ARHGAP8: variants seen among roughly 807,000 people sequenced by gnomAD.
The protein encoded by ARHGAP8 is Rho GTPase activating protein 8, also known as rho GTPase-activating protein 8.
A neutral mutation model predicts 46.1 loss-of-function variants in ARHGAP8; 62 were observed. That is an observed-to-expected ratio of 1.34 (90% confidence interval 1.10 to 1.66). ARHGAP8 has a LOEUF of 1.66. ARHGAP8 is among the 40% of genes most tolerant of loss of function. ARHGAP8 has a pLI of 0.00. For missense variants in ARHGAP8, 923 were observed against 568.4 expected, an observed-to-expected ratio of 1.62 and a Z score of -6.34; for synonymous variants, 375 against 243.1, an observed-to-expected ratio of 1.54 and a Z score of -5.05.
intron 2 of ARHGAP8, among the ~76,000 whole-genome samples, chr22:44,787,037 C>CAAAAAAAAA (rs57241720): frequency 8.4e-6 from 1 of 119,150 alleles, no homozygotes. Flanking sequence ...CTCAAAAAAA[C>CAAAAAAAAA]AAAAAAAAAA....
At chr22:44,838,802 G>A (rs866589011) in intron 7 of ARHGAP8, among the ~76,000 whole-genome samples, 1 of 152,228 alleles carries the variant, frequency 6.6e-6, no homozygotes, top group Non-Finnish European at 1.5e-5. Flanking sequence ...TTGTTCATCT[G>A]TGACATGGAC....
At position 44,768,062 on chromosome 22, in the gene ARHGAP8, C is replaced by A. The variant is rs76632413; in HGVS notation, c.-72+15435C>A. ...TCACCCAGGCTGGAGTGCAGTGGCA[C>A]GATCTCGGCTCACTGCAACCTCCAC... On this transcript the variant is annotated intron_variant, in intron 1 of 11. Coordinates refer to ENST00000356099, the MANE Select transcript of ARHGAP8 (RefSeq NM_181335.3). Among the ~76,000 whole-genome samples, 506 of 118,484 alleles carry A rather than the reference C, an allele frequency of 4.3e-3. 25 individuals are homozygous for A. The East Asian group carries it at 0.12, about 27-fold the overall frequency. The allele number at this position is 118,484 out of a possible 152,430, so 77.7% of individuals were successfully genotyped here.
chr22:44,766,152 C>T (rs904870138), intron 1 of ARHGAP8: 2 of 152,668 alleles, frequency 1.3e-5, no homozygotes, highest in African/African-American at 2.4e-5. Context: ...CCATCTGCCT[C>T]CTGCCCTCAG....
At chr22:44,847,895 G>A (rs2069996205) in intron 8 of ARHGAP8, 78 bp from the exon 9 acceptor site, 3 of 1,565,356 alleles carry the variant, frequency 1.9e-6, no homozygotes, top group Non-Finnish European at 2.6e-6. Context: ...GATGCCGTGG[G>A]CAGGGGAGTG....
rs141311560 is a variant in ARHGAP8, at chr22:44,837,761, C to G, written c.597-7508C>G. Among the ~76,000 whole-genome samples, 320 of 152,184 alleles carry G rather than the reference C, an allele frequency of 2.1e-3. 2 individuals are homozygous for G. The highest frequency in any genetic ancestry group is 7.4e-3 in the African/African-American group (308 of 41,514). On this transcript the variant is annotated intron_variant, in intron 7 of 11. Coordinates refer to ENST00000356099, the MANE Select transcript of ARHGAP8 (RefSeq NM_181335.3). ...TTCTGCTCTATGGAGAGTAGTAATT[C>G]GATGCCGGGGCCCTGTTCTTCCGCT...
chr22:44,796,463 T>C (rs960834338), intron 2 of ARHGAP8, among the ~76,000 whole-genome samples: 1 of 151,932 alleles, frequency 6.6e-6, no homozygotes. Context: ...AGGAGTATTT[T>C]TGTTATTCAT....
At chr22:44,857,929 A>AT (rs10685889) in intron 10 of ARHGAP8, among the ~76,000 whole-genome samples, 1 of 131,508 alleles carries the variant, frequency 7.6e-6, no homozygotes, top group African/African-American at 2.9e-5. Context: ...GCCAGCAGGT[A>AT]TTCTCAGAGG....
rs6007304 is a variant in ARHGAP8 at position 44,808,383 on chromosome 22, C to G, written c.244C>G (p.Arg82Gly). The stretch of plus-strand genomic sequence containing the variant: ...CTATTTCCACTACGGGCTGAACAGC[C>G]GGAACAAGCCTTCCCTGGGCTGGCT... The part of the protein sequence containing the change: ...IVYFHYGLNS[R>G]NKPSLGWLQS... Residue 82 changes from arginine to glycine, a missense_variant, in exon 4 of 12, where the codon CGG (arginine) becomes GGG (glycine). Coordinates refer to ENST00000356099, the MANE Select transcript of ARHGAP8 (RefSeq NM_181335.3). The G allele has an allele frequency of 6.2e-7, 1 of 1,614,236 alleles. No individual in the cohort carries two copies. The highest frequency in any genetic ancestry group is 1.1e-5 in the South Asian group (1 of 91,088).
At chr22:44,858,361 T>G (rs964445690) in intron 10 of ARHGAP8, among the ~76,000 whole-genome samples, 2 of 123,666 alleles carry the variant, frequency 1.6e-5, no homozygotes, top group African/African-American at 2.9e-5. Context: ...ACTTGTTGGT[T>G]GGTGGTGGTT....
Position 44,772,223 on chromosome 22 carries a change from C to CTTTTTTTTTTTTTTTTTTTTT in ARHGAP8, c.-71-14224_-71-14204dup, listed in dbSNP as rs71188484. 1.8e-4 allele frequency among the ~76,000 whole-genome samples: 3 copies of CTTTTTTTTTTTTTTTTTTTTT among 16,430 alleles called. 1 individual carries two copies. The highest frequency in any genetic ancestry group is 3.3e-4 in the Non-Finnish European group (2 of 6,092). The allele number at this position is 16,430 out of a possible 152,430, so 10.8% of individuals were successfully genotyped here. ...TGTTTCTGTTTTACTACTGTTTTGC[C>CTTTTTTTTTTTTTTTTTTTTT]TTTTTTTTTTTTTTTTTTTTTTTTT... On this transcript the variant is annotated intron_variant, in intron 1 of 11. Coordinates refer to ENST00000356099, the MANE Select transcript of ARHGAP8 (RefSeq NM_181335.3).
intron 1 of ARHGAP8, among the ~76,000 whole-genome samples, chr22:44,764,947 G>A (rs995064431): frequency 1.1e-4 from 17 of 152,380 alleles, no homozygotes; most frequent in Admixed American, 3.3e-4. Context: ...ATTATGTGGT[G>A]CTCACATTGA....
intron 10 of ARHGAP8, among the ~76,000 whole-genome samples, chr22:44,859,235 T>G (rs1269415379): frequency 1.3e-5 from 2 of 149,382 alleles, no homozygotes; most frequent in East Asian, 2.0e-4. Flanking sequence ...GAATTGAAAC[T>G]TTGGAGGTGG....
chr22:44,822,476 G>A lies in ARHGAP8; in HGVS notation c.485+7G>A. On this transcript the variant is annotated splice_region_variant and intron_variant, in intron 6 of 11. Coordinates refer to ENST00000356099, the MANE Select transcript of ARHGAP8 (RefSeq NM_181335.3). ...TCCCTCCCGAAGTTTTGCGGTAAGT[G>A]CCTGTTAGACCCCAGAAGCCGCATC... 6.5e-7 allele frequency: 1 copy of A among 1,540,918 alleles called. No homozygotes were observed. The highest frequency in any genetic ancestry group is 1.3e-5 in the South Asian group (1 of 77,858).
chr22:44,794,002 G>A (rs1927896628), intron 2 of ARHGAP8, among the ~76,000 whole-genome samples: 1 of 152,188 alleles, frequency 6.6e-6, no homozygotes, highest in Admixed American at 6.5e-5. Flanking sequence ...AGGGAGGCCG[G>A]CCTCAGTGCG....
At chr22:44,786,680 G>A (rs1927264623) in intron 2 of ARHGAP8, 74 bp downstream of exon 2, 4 of 1,526,870 alleles carry the variant, frequency 2.6e-6, no homozygotes, top group Admixed American at 2.0e-5. Context: ...GAGGCAAAGT[G>A]GGCTCGTCAG....
At chr22:44,770,445 A>G (rs1925915920) in intron 1 of ARHGAP8, among the ~76,000 whole-genome samples, 1 of 150,832 alleles carries the variant, frequency 6.6e-6, no homozygotes, top group Non-Finnish European at 1.5e-5. Context: ...TCTCTGTATC[A>G]CCCAGGCTGG....
chr22:44,775,142 T>C (rs2147022688), intron 1 of ARHGAP8, among the ~76,000 whole-genome samples: 1 of 152,314 alleles, frequency 6.6e-6, no homozygotes, highest in African/African-American at 2.4e-5. Flanking sequence ...TTGGGGAATA[T>C]TTTTTAATAG....
intron 4 of ARHGAP8, 41 bp from the exon 5 acceptor site, chr22:44,814,631 G>C: frequency 2.5e-6 from 4 of 1,590,410 alleles, no homozygotes; most frequent in African/African-American, 1.4e-5. Context: ...GTGTTTCTCG[G>C]AGCGCGGCAG....
At chr22:44,800,991 G>A (rs1177138443) in intron 2 of ARHGAP8, among the ~76,000 whole-genome samples, 1 of 19,990 alleles carries the variant, frequency 5.0e-5, no homozygotes, top group Non-Finnish European at 8.5e-5. Flanking sequence ...TGTGGGGGCC[G>A]CCTCTCCCCG....
Sources: allele counts gnomAD v4.1 joint callset (sites outside exome capture counted in the v4.1 genomes callset), GRCh38; gene constraint gnomAD v4.1.1; transcripts MANE v1.5; gene names NCBI Gene and HGNC (gene_info 2026-07-23, HGNC 2026-07-21).